ADAT1: variants seen among roughly 807,000 people sequenced by gnomAD.
ADAT1 encodes adenosine deaminase tRNA specific 1.
ADAT1 carries 58 observed loss-of-function variants against 58.6 expected under a neutral mutation model. The observed-to-expected ratio is 0.99, with a 90% CI of 0.80 to 1.23. The LOEUF (loss-of-function observed/expected upper bound fraction) is 1.23. Ranked by LOEUF, ADAT1 falls within the 50% of genes most tolerant of loss-of-function variation. The pLI, the probability that ADAT1 is intolerant of heterozygous loss-of-function variation, is 0.00. For missense variants in ADAT1, 741 were observed against 608.6 expected (o/e 1.22, Z -2.29); for synonymous variants, 254 against 220.8 (o/e 1.15, Z -1.33).
At chr16:75,610,850 A>G (rs2081509680) in intron 6 of ADAT1, among the ~76,000 whole-genome samples, 1 of 152,158 alleles carries the variant, frequency 6.6e-6, no homozygotes, top group Non-Finnish European at 1.5e-5. Flanking sequence ...GGTGGCTCAC[A>G]CCTATAATCC....
chr16:75,608,971 G>A lies in ADAT1; in HGVS notation c.1061C>T (p.Ala354Val), dbSNP rs754373568. 1 of 1,614,168 alleles carries A rather than the reference G, an allele frequency of 6.2e-7. No individual in the cohort carries two copies. The highest frequency in any genetic ancestry group is 8.5e-7 in the Non-Finnish European group (1 of 1,180,024). Residue 354 changes from alanine to valine, a missense_variant, in exon 7 of 10, where the codon GCT becomes GTT. Coordinates refer to ENST00000564657, the MANE Select transcript of ADAT1 (RefSeq NM_001324445.2). ...TTGAACTCCGAAGCCTTTTGGTAAA[G>A]CAGACACATTCTGACACCTAAATAC... The part of the protein sequence containing the change: ...ALIGRCQNVS[A>V]LPKGFGVQEL...
Position 75,612,807 on chromosome 16 carries a change from G to T in ADAT1, c.479C>A (p.Pro160His), listed in dbSNP as rs754719455. Reference protein sequence around the residue: ...MLEFEDQPCCPVFRNWAHNSS... With the variant: ...MLEFEDQPCCHVFRNWAHNSS... ...GTTGTGGGCCCAATTTCTGAAGACA[G>T]GACAGCAAGGCTGATCTTCAAACTC... Residue 160 changes from proline (P) to histidine (H), a missense_variant, in exon 6 of 10, where the codon CCT (proline) becomes CAT (histidine). Transcript: ENST00000564657. The T allele has an allele frequency of 6.2e-7, 1 of 1,614,098 alleles. No individual in the cohort carries two copies. Among genetic ancestry groups the T allele is most frequent in the South Asian group, 1.1e-5 (1 of 91,084 alleles).
rs1039506633 is a variant in ADAT1, at chr16:75,608,280, A to G, written c.1233T>C (p.Thr411=). 1.4e-5 allele frequency: 23 copies of G among 1,614,148 alleles called. No homozygotes were observed. The highest frequency in any genetic ancestry group is 1.9e-5 in the Non-Finnish European group (23 of 1,180,010). ...TTGTTCCCTGTGGAAAGCCATTGGC[A>G]GTAACATCCAAAGGCTGCTCAGGAA... ...SAVPEQPLDV[T]ANGFPQGTTK... is the part of the protein sequence containing the mutation. The change falls in exon 8 of 10, where the codon ACT becomes ACC. Residue 411 remains threonine, a synonymous_variant. Coordinates refer to ENST00000564657, the MANE Select transcript of ADAT1 (RefSeq NM_001324445.2).
chr16:75,618,268 A>T (rs2081804784), intron 4 of ADAT1, among the ~76,000 whole-genome samples: 1 of 151,958 alleles, frequency 6.6e-6, no homozygotes, highest in Admixed American at 6.6e-5. Context: ...GCACTTTGAG[A>T]GACTGAGGCG....
intron 8 of ADAT1, among the ~76,000 whole-genome samples, chr16:75,603,567 T>C (rs1410558611): frequency 2.6e-5 from 4 of 152,188 alleles, no homozygotes; most frequent in Non-Finnish European, 5.9e-5. Flanking sequence ...GAACTGTCAT[T>C]ATAAAATCCA....
rs2081964469 is a variant in ADAT1 at position 75,622,521 on chromosome 16, T to G, written c.-140A>C. Reference sequence around the variant, plus strand: ...CCTCGATAGGCAAGGCAGGTAGAAGTTGCCAGAAGAAACAGTGACTCTCTT... The same window carrying G: ...CCTCGATAGGCAAGGCAGGTAGAAGGTGCCAGAAGAAACAGTGACTCTCTT... On this transcript the variant is annotated 5_prime_UTR_variant, in exon 1 of 10. Coordinates refer to ENST00000564657, the MANE Select transcript of ADAT1 (RefSeq NM_001324445.2). The G allele has an allele frequency of 6.6e-6, 1 of 152,150 alleles. No individual in the cohort carries two copies. The highest frequency in any genetic ancestry group is 1.5e-5 in the Non-Finnish European group (1 of 68,024). The allele number at this position is 152,150 out of a possible 1,614,324, so 9.4% of individuals were successfully genotyped here. A position where few individuals can be genotyped will look rare whatever the true frequency, so the allele number is the denominator to read the frequency against.
chr16:75,617,823 T>C (rs1025677441), intron 4 of ADAT1, among the ~76,000 whole-genome samples: 1 of 151,098 alleles, frequency 6.6e-6, no homozygotes, highest in South Asian at 2.1e-4. Context: ...TTGTGACTCA[T>C]GCCTGTAAAT....
chr16:75,597,227 G>A lies in ADAT1; in HGVS notation c.*2989C>T, dbSNP rs2081090964. ...ATGAAATCAGACTGGATTAGGGCAG[G>A]CCCTAAATCCAATTACTGGGGTCCT... On this transcript the variant is annotated 3_prime_UTR_variant, in exon 10 of 10. Transcript: ENST00000564657. The A allele has an allele frequency of 3.1e-6, 1 of 319,968 alleles. No homozygotes were observed. The highest frequency in any genetic ancestry group is 4.1e-5 in the Admixed American group (1 of 24,306). 19.8% of individuals were successfully genotyped at this position (319,968 alleles called of 1,614,324 possible). A position where few individuals can be genotyped will look rare whatever the true frequency, so the allele number is the denominator to read the frequency against.
At position 75,599,476 on chromosome 16, in the gene ADAT1, A is replaced by G. The variant is rs2081166486; in HGVS notation, c.*740T>C. 16 of 985,558 alleles carry G rather than the reference A, an allele frequency of 1.6e-5. No individual in the cohort carries two copies. Among genetic ancestry groups the G allele is most frequent in the Non-Finnish European group, 1.9e-5 (16 of 829,762 alleles). The allele number at this position is 985,558 out of a possible 1,614,324, so 61.1% of individuals were successfully genotyped here. ...AAATAACAACAGGAATCTGTCTCAC[A>G]TAATTGAGACATCTAAACAGTGTTA... is the stretch of plus-strand genomic sequence containing the variant. On this transcript the variant is annotated 3_prime_UTR_variant, in exon 10 of 10. Coordinates refer to ENST00000564657, the MANE Select transcript of ADAT1 (RefSeq NM_001324445.2).
In ADAT1 at chr16:75,599,239, G is replaced by T; in HGVS notation, c.*977C>A. The T allele has an allele frequency of 1.2e-6, 1 of 827,642 alleles. No individual in the cohort carries two copies. The highest frequency in any genetic ancestry group is 1.5e-6 in the Non-Finnish European group (1 of 686,540). 51.3% of individuals were successfully genotyped at this position (827,642 alleles called of 1,614,324 possible). A position where few individuals can be genotyped will look rare whatever the true frequency, so the allele number is the denominator to read the frequency against. On this transcript the variant is annotated 3_prime_UTR_variant, in exon 10 of 10. Coordinates refer to ENST00000564657, the MANE Select transcript of ADAT1 (RefSeq NM_001324445.2). ...TAGGATTACAGGTGTGCGCCACCAT[G>T]CCCGGCTAGTTTTTGCATTTTTAGT...
At chr16:75,620,505 G>T in intron 2 of ADAT1, 126 bp downstream of exon 2, 1 of 1,412,724 alleles carries the variant, frequency 7.1e-7, no homozygotes, top group Non-Finnish European at 9.8e-7. Flanking sequence ...TCACCTAGCA[G>T]AGGACAAGCA....
intron 2 of ADAT1, 100 bp downstream of exon 2, chr16:75,620,531 G>A (rs1260864189): frequency 3.9e-5 from 57 of 1,472,614 alleles, no homozygotes; most frequent in Non-Finnish European, 5.1e-5. Flanking sequence ...GCCTAACATC[G>A]TAGTTCACAC....
rs3743600 is a variant in ADAT1, at chr16:75,612,562, T to C, written c.724A>G (p.Thr242Ala). 6 of 1,614,132 alleles carry C rather than the reference T, an allele frequency of 3.7e-6. No individual in the cohort carries two copies. The highest frequency in any genetic ancestry group is 2.2e-5 in the South Asian group (2 of 91,080). Residue 242 changes from threonine (T) to alanine (A), a missense_variant, in exon 6 of 10, where the codon ACT becomes GCT. By Grantham distance (58) the Thr-to-Ala change is moderately conservative. Transcript: ENST00000564657. Reference protein sequence around the residue: ...SCDLTVEGLATVTRIAPGSAK... With the variant: ...SCDLTVEGLAAVTRIAPGSAK... Reference sequence around the variant, plus strand: ...CTACCAGGGGCTATTCTGGTGACAGTAGCCAGTCCCTCTACAGTGAGATCA... The same window carrying C: ...CTACCAGGGGCTATTCTGGTGACAGCAGCCAGTCCCTCTACAGTGAGATCA...
At chr16:75,609,065 T>C (rs2081445807) in intron 6 of ADAT1, 77 bp from the exon 7 acceptor site, 1 of 1,543,916 alleles carries the variant, frequency 6.5e-7, no homozygotes, top group South Asian at 1.1e-5. Flanking sequence ...GCTCACATCA[T>C]CACCCCTGAG....
intron 4 of ADAT1, 69 bp downstream of exon 4, chr16:75,618,509 CAAAAAAAA>C (rs535021597): frequency 3.8e-6 from 3 of 780,236 alleles, no homozygotes; most frequent in Non-Finnish European, 5.6e-6. Flanking sequence ...CTGTCCCCCC[CAAAAAAAA>C]AAAAAAAAGT....
rs548811942 is a variant in ADAT1 at position 75,597,189 on chromosome 16, C to G, written c.*3027G>C. The stretch of plus-strand genomic sequence containing the variant: ...AGTTGGAAATAGAGTCTTTGCAGAT[C>G]TAGTTAGTTAAGATGAAATCAGACT... On this transcript the variant is annotated 3_prime_UTR_variant, in exon 10 of 10. Transcript: ENST00000564657. The G allele has an allele frequency of 1.2e-4, 28 of 235,436 alleles. No homozygotes were observed. The highest frequency in any genetic ancestry group is 6.4e-4 in the African/African-American group (28 of 43,724). The allele number at this position is 235,436 out of a possible 1,614,324, so 14.6% of individuals were successfully genotyped here. A position where few individuals can be genotyped will look rare whatever the true frequency, so the allele number is the denominator to read the frequency against.
chr16:75,619,438 G>A (rs2081856436), intron 3 of ADAT1, among the ~76,000 whole-genome samples: 1 of 151,906 alleles, frequency 6.6e-6, no homozygotes, highest in Non-Finnish European at 1.5e-5. Context: ...TCAGGAAGCT[G>A]AAGTGGGAGG....
intron 5 of ADAT1, among the ~76,000 whole-genome samples, chr16:75,613,143 C>T (rs2081601560): frequency 6.6e-6 from 1 of 152,166 alleles, no homozygotes; most frequent in Non-Finnish European, 1.5e-5. Context: ...TAATAAGAAT[C>T]CTCTAGGGCT....
intron 8 of ADAT1, among the ~76,000 whole-genome samples, chr16:75,607,355 T>C (rs2081398134): frequency 6.6e-6 from 1 of 151,862 alleles, no homozygotes; most frequent in African/African-American, 2.4e-5. Context: ...ATACAAGAAT[T>C]AGCCGGTGTG....
Sources: gnomAD v4.1 joint callset for allele counts (sites outside exome capture counted in the v4.1 genomes callset) on GRCh38, gnomAD v4.1.1 for gene constraint, MANE v1.5 for transcripts, NCBI Gene and HGNC (gene_info 2026-07-23, HGNC 2026-07-21) for gene names.